FSTL5: variants seen among roughly 807,000 people sequenced by gnomAD.
The protein encoded by FSTL5 is follistatin-related protein 5.
Under a neutral mutation model 89.1 loss-of-function variants are expected in FSTL5, and 62 were observed. That is an observed-to-expected ratio of 0.70 (90% CI 0.57 to 0.86). The LOEUF (loss-of-function observed/expected upper bound fraction) is 0.86. Among genes scored for constraint, FSTL5 ranks in the 40% least tolerant of loss-of-function variants. FSTL5 has a pLI of 0.00. For missense variants in FSTL5, 1,057 were observed against 1,001.6 expected (o/e 1.06, Z -0.75); for synonymous variants, 383 against 346.2 (o/e 1.11, Z -1.18).
At chr4:161,388,694 A>C (rs1730724685) in intron 15 of FSTL5, among the ~76,000 whole-genome samples, 1 of 152,086 alleles carries the variant, frequency 6.6e-6, no homozygotes, top group Admixed American at 6.6e-5. Context: ...AGCTCAGAGG[A>C]AAAGCAGTAC....
At chr4:161,638,611 C>A (rs1735823499) in intron 7 of FSTL5, among the ~76,000 whole-genome samples, 1 of 146,938 alleles carries the variant, frequency 6.8e-6, no homozygotes, top group Non-Finnish European at 1.5e-5. Flanking sequence ...CTATTCCAAT[C>A]AATAGAAAAA....
chr4:161,884,647 G>T (rs1389996764), intron 4 of FSTL5, among the ~76,000 whole-genome samples: 1 of 152,012 alleles, frequency 6.6e-6, no homozygotes, highest in Non-Finnish European at 1.5e-5. Flanking sequence ...TTACCTTTAT[G>T]CTTGAGAGCT....
chr4:162,012,778 A>C (rs1427518856), intron 3 of FSTL5, among the ~76,000 whole-genome samples: 1 of 152,170 alleles, frequency 6.6e-6, no homozygotes, highest in Non-Finnish European at 1.5e-5. Context: ...ATAATATTGA[A>C]GGAGTATTAG....
intron 10 of FSTL5, 126 bp downstream of exon 10, chr4:161,538,040 T>A: frequency 1.2e-6 from 1 of 825,292 alleles, no homozygotes; most frequent in African/African-American, 1.7e-5. Flanking sequence ...TTCCTACGTA[T>A]AAAATCTATT....
chr4:161,826,570 T>C (rs770244193), intron 4 of FSTL5, among the ~76,000 whole-genome samples: 3 of 152,198 alleles, frequency 2.0e-5, no homozygotes, highest in Non-Finnish European at 4.4e-5. Flanking sequence ...GGAGTTCCAA[T>C]GTTTAGGTGC....
At chr4:161,878,904 C>T (rs1732537494) in intron 4 of FSTL5, among the ~76,000 whole-genome samples, 1 of 152,158 alleles carries the variant, frequency 6.6e-6, no homozygotes, top group Non-Finnish European at 1.5e-5. Flanking sequence ...TCCCAGCTTA[C>T]ATATGATGCT....
At chr4:161,631,735 C>T (rs1419850722) in intron 7 of FSTL5, among the ~76,000 whole-genome samples, 1 of 152,156 alleles carries the variant, frequency 6.6e-6, no homozygotes, top group East Asian at 1.9e-4. Context: ...CCTCTTCTGA[C>T]ACACAAATTA....
chr4:161,449,946 T>C (rs1733105209), intron 15 of FSTL5, among the ~76,000 whole-genome samples: 1 of 152,192 alleles, frequency 6.6e-6, no homozygotes. Flanking sequence ...CTTCTGCTAA[T>C]TCTTGCATTT....
chr4:161,952,957 C>A (rs1734937596), intron 3 of FSTL5, among the ~76,000 whole-genome samples: 1 of 151,658 alleles, frequency 6.6e-6, no homozygotes, highest in South Asian at 2.1e-4. Context: ...ACTAAGCATA[C>A]ATTAAATTAT....
chr4:162,125,392 A>G (rs1561032859), intron 1 of FSTL5, among the ~76,000 whole-genome samples: 1 of 152,166 alleles, frequency 6.6e-6, no homozygotes, highest in African/African-American at 2.4e-5. Context: ...ATTTTGAGGC[A>G]CAGTATAATG....
At chr4:161,471,901 C>G (rs57471001) in intron 13 of FSTL5, among the ~76,000 whole-genome samples, 1 of 151,680 alleles carries the variant, frequency 6.6e-6, no homozygotes, top group African/African-American at 2.4e-5. Flanking sequence ...GTAATGGCCC[C>G]GCATTCATTT....
intron 8 of FSTL5, among the ~76,000 whole-genome samples, chr4:161,561,710 A>C (rs1732608465): frequency 6.6e-6 from 1 of 152,052 alleles, no homozygotes; most frequent in Admixed American, 6.6e-5. Context: ...AGCAAAAAAT[A>C]ATAGTAGCTT....
intron 8 of FSTL5, among the ~76,000 whole-genome samples, chr4:161,561,628 T>C (rs868252703): frequency 2.7e-4 from 41 of 151,852 alleles, no homozygotes; most frequent in African/African-American, 9.9e-4. Flanking sequence ...CTCAAAAAAC[T>C]GAACAATAAT....
intron 6 of FSTL5, among the ~76,000 whole-genome samples, chr4:161,747,020 G>T (rs1740225458): frequency 6.6e-6 from 1 of 152,068 alleles, no homozygotes; most frequent in African/African-American, 2.4e-5. Context: ...TCATCCCTGT[G>T]GGTGGTCTTT....
intron 2 of FSTL5, among the ~76,000 whole-genome samples, chr4:162,050,337 T>C (rs1738339201): frequency 6.6e-6 from 1 of 151,264 alleles, no homozygotes; most frequent in African/African-American, 2.4e-5. Flanking sequence ...AGCAAAATGC[T>C]TATAATGACA....
intron 4 of FSTL5, among the ~76,000 whole-genome samples, chr4:161,915,019 A>G (rs1202524782): frequency 3.3e-5 from 5 of 152,214 alleles, no homozygotes; most frequent in Non-Finnish European, 7.3e-5. Flanking sequence ...ACAATATTGT[A>G]GCCTTAGGCA....
At chr4:161,868,020 C>T (rs1732146204) in intron 4 of FSTL5, among the ~76,000 whole-genome samples, 1 of 151,990 alleles carries the variant, frequency 6.6e-6, no homozygotes. Context: ...AATGTATCTA[C>T]AGTATGCTCT....
At chr4:162,112,948 G>A (rs1291570104) in intron 1 of FSTL5, among the ~76,000 whole-genome samples, 1 of 152,000 alleles carries the variant, frequency 6.6e-6, no homozygotes, top group Non-Finnish European at 1.5e-5. Context: ...TTCTGTTTCT[G>A]TAGATTTTGT....
At chr4:161,603,504 TC>T (rs1299129602) in intron 7 of FSTL5, among the ~76,000 whole-genome samples, 1 of 151,974 alleles carries the variant, frequency 6.6e-6, no homozygotes, top group African/African-American at 2.4e-5. Context: ...AAAACAACCC[TC>T]CCCAAAATCT....
Sources: gnomAD v4.1 joint callset for allele counts (sites outside exome capture counted in the v4.1 genomes callset) on GRCh38, gnomAD v4.1.1 for gene constraint, MANE v1.5 for transcripts, NCBI Gene and HGNC (gene_info 2026-07-23, HGNC 2026-07-21) for gene names.